Variants in ARL13B observed in about 807,000 individuals in gnomAD.
ARL13B encodes ADP-ribosylation factor-like protein 13B.
ARL13B carries 36 observed loss-of-function variants against 56.1 expected under a neutral mutation model. That is an observed-to-expected ratio of 0.64 (90% confidence interval 0.49 to 0.85). ARL13B has a LOEUF of 0.85. Among genes scored for constraint, ARL13B ranks in the 40% least tolerant of loss-of-function variants. The pLI, the probability that ARL13B is intolerant of heterozygous loss-of-function variation, is 0.00. For synonymous variants in ARL13B, 178 were observed against 171.1 expected, an observed-to-expected ratio of 1.04 and a Z score of -0.32; for missense variants, 519 against 507.1, an observed-to-expected ratio of 1.02 and a Z score of -0.23.
At chr3:94,053,116 A>T (rs2077092070) in intron 9 of ARL13B, 71 bp from the exon 10 acceptor site, 1 of 1,254,842 alleles carries the variant, frequency 8.0e-7, no homozygotes, top group African/African-American at 1.5e-5. Context: ...AGTCTAAAAA[A>T]TAATGAACTG....
chr3:94,033,849 C>T (rs964765945), intron 3 of ARL13B, among the ~76,000 whole-genome samples: 4 of 151,862 alleles, frequency 2.6e-5, no homozygotes, highest in African/African-American at 4.8e-5. Context: ...CCACCAGATA[C>T]GGGAAATATA....
At chr3:94,001,438 C>G (rs2076054178) in intron 2 of ARL13B, among the ~76,000 whole-genome samples, 1 of 152,146 alleles carries the variant, frequency 6.6e-6, no homozygotes, top group Admixed American at 6.5e-5. Flanking sequence ...TTCTCTGTTA[C>G]AATTATGTAG....
intron 3 of ARL13B, among the ~76,000 whole-genome samples, chr3:94,031,449 C>T (rs1429087489): frequency 6.6e-6 from 1 of 152,096 alleles, no homozygotes; most frequent in East Asian, 1.9e-4. Flanking sequence ...TGGATGATTG[C>T]AAGTCTGGAA....
intron 1 of ARL13B, among the ~76,000 whole-genome samples, chr3:93,994,969 A>G (rs749271627): frequency 1.3e-5 from 2 of 152,184 alleles, no homozygotes; most frequent in African/African-American, 2.4e-5. Flanking sequence ...GCCATACCCT[A>G]TGGTCTAAAT....
intron 8 of ARL13B, 26 bp from the exon 9 acceptor site, chr3:94,050,795 GTTT>G: frequency 6.3e-7 from 1 of 1,599,544 alleles, no homozygotes; most frequent in Non-Finnish European, 8.5e-7. Context: ...GTTTAACAGT[GTTT>G]TTTAAATGTT....
intron 3 of ARL13B, among the ~76,000 whole-genome samples, chr3:94,015,799 A>C (rs1290091044): frequency 2.0e-5 from 3 of 152,146 alleles, no homozygotes; most frequent in Non-Finnish European, 4.4e-5. Context: ...ATAATATTGA[A>C]TTTATTTTAA....
At chr3:93,988,829 G>A in intron 1 of ARL13B, 1 of 381,682 alleles carries the variant, frequency 2.6e-6, no homozygotes, top group Non-Finnish European at 5.1e-6. Flanking sequence ...CTTTCCTGAT[G>A]CCTCTTTGGC....
At chr3:94,021,281 C>T (rs1421067524) in intron 3 of ARL13B, among the ~76,000 whole-genome samples, 1 of 151,520 alleles carries the variant, frequency 6.6e-6, no homozygotes, top group African/African-American at 2.4e-5. Context: ...GCAATCTCCA[C>T]CTCCTGGGTT....
rs1576068310 is a variant in ARL13B, at chr3:94,054,078, A to G, written c.*815A>G. The G allele has an allele frequency of 2.2e-6, 1 of 449,522 alleles. No individual in the cohort carries two copies. Among genetic ancestry groups the G allele is most frequent in the South Asian group, 1.6e-5 (1 of 63,444 alleles). The allele number at this position is 449,522 out of a possible 1,614,324, so 27.8% of individuals were successfully genotyped here. On this transcript the variant is annotated 3_prime_UTR_variant, in exon 10 of 10. Transcript: ENST00000394222. The stretch of plus-strand genomic sequence containing the variant: ...GTGAGATACTATTAAAAGTCTCAGT[A>G]AAGTCCTATTTTAAAGGTTAGACAC...
chr3:94,011,560 C>A (rs2076224932), intron 3 of ARL13B, among the ~76,000 whole-genome samples: 1 of 152,092 alleles, frequency 6.6e-6, no homozygotes, highest in South Asian at 2.1e-4. Context: ...GCTTTTATTC[C>A]TAAACCCTGC....
intron 3 of ARL13B, chr3:94,028,232 G>A (rs2076598504): frequency 6.6e-6 from 1 of 152,082 alleles, no homozygotes; most frequent in Non-Finnish European, 1.5e-5. Context: ...ATCAGCTACT[G>A]GTACCCCGGT....
chr3:94,005,296 T>G (rs1398882069), intron 3 of ARL13B, among the ~76,000 whole-genome samples: 1 of 152,166 alleles, frequency 6.6e-6, no homozygotes, highest in Non-Finnish European at 1.5e-5. Context: ...ATCAGTGTAT[T>G]GAAAACAAAC....
In ARL13B at chr3:94,053,355, C is replaced by A; in HGVS notation, c.*92C>A. On this transcript the variant is annotated 3_prime_UTR_variant, in exon 10 of 10. Transcript: ENST00000394222. ...GAAGAAACATCTTGTAAATTGATGA[C>A]TGGGGCAAGATAACCATAATAATTT... The A allele has an allele frequency of 8.8e-7, 1 of 1,135,058 alleles. No homozygotes were observed. The highest frequency in any genetic ancestry group is 1.3e-6 in the Non-Finnish European group (1 of 756,886). 70.3% of individuals were successfully genotyped at this position (1,135,058 alleles called of 1,614,324 possible).
At position 93,998,143 on chromosome 3, in the gene ARL13B, G is replaced by A. The variant is rs142314261; in HGVS notation, c.130+2199G>A. Among the ~76,000 whole-genome samples the A allele has an allele frequency of 5.3e-3, 799 of 152,038 alleles. 11 individuals are homozygous for A. The highest frequency in any genetic ancestry group is 0.018 in the African/African-American group (765 of 41,474). ...ATTTAAAATGTAAAACACATTCTTA[G>A]CTTGTGGGCCATACAAAAACAAGTG... On this transcript the variant is annotated intron_variant, in intron 2 of 9. Coordinates refer to ENST00000394222, the MANE Select transcript of ARL13B (RefSeq NM_001174150.2).
intron 3 of ARL13B, chr3:94,015,311 A>G (rs1249174840): frequency 6.7e-7 from 1 of 1,485,934 alleles, no homozygotes; most frequent in Non-Finnish European, 8.9e-7. Context: ...TGTGTTGAAC[A>G]AGTAGAAATT....
At chr3:93,997,377 A>G (rs185813452) in intron 2 of ARL13B, among the ~76,000 whole-genome samples, 70 of 152,294 alleles carry the variant, frequency 4.6e-4, no homozygotes, top group African/African-American at 1.6e-3. Flanking sequence ...CATGCTTACT[A>G]AATAGTGGAA....
At chr3:94,015,253 T>G in intron 3 of ARL13B, 2 of 1,545,422 alleles carry the variant, frequency 1.3e-6, no homozygotes, top group Non-Finnish European at 1.7e-6. Context: ...CTTTAGTTCT[T>G]GAAGTCGGTC....
At chr3:94,017,871 A>G (rs1311894709) in intron 3 of ARL13B, among the ~76,000 whole-genome samples, 3 of 152,178 alleles carry the variant, frequency 2.0e-5, no homozygotes, top group Non-Finnish European at 2.9e-5. Flanking sequence ...AACAAAGTGA[A>G]TGTAGATAGA....
At chr3:93,989,221 T>A (rs535287476) in intron 1 of ARL13B, among the ~76,000 whole-genome samples, 6 of 152,336 alleles carry the variant, frequency 3.9e-5, no homozygotes, top group African/African-American at 9.6e-5. Flanking sequence ...TTAGCTTCAT[T>A]ATAGTACTTT....
Sources: gnomAD v4.1 joint callset for allele counts (sites outside exome capture counted in the v4.1 genomes callset) on GRCh38, gnomAD v4.1.1 for gene constraint, MANE v1.5 for transcripts, NCBI Gene and HGNC (gene_info 2026-07-23, HGNC 2026-07-21) for gene names.